SLCO1B1: variants seen among roughly 807,000 people sequenced by gnomAD.
SLCO1B1 encodes solute carrier organic anion transporter family member 1B1.
In SLCO1B1, 81 loss-of-function variants were observed where a neutral mutation model predicts 70.1. The observed-to-expected ratio is 1.16, with a 90% CI of 0.97 to 1.39. SLCO1B1 has a LOEUF of 1.39. Ranked by LOEUF, SLCO1B1 falls within the 40% of genes most tolerant of loss-of-function variation. SLCO1B1 has a pLI of 0.00. For missense variants in SLCO1B1, 895 were observed against 799.6 expected, an observed-to-expected ratio of 1.12 and a Z score of -1.44; for synonymous variants, 283 against 271.5, an observed-to-expected ratio of 1.04 and a Z score of -0.42.
At chr12:21,236,273 T>TTAGA (rs1941594936) in intron 14 of SLCO1B1, among the ~76,000 whole-genome samples, 2 of 152,108 alleles carry the variant, frequency 1.3e-5, no homozygotes, top group Non-Finnish European at 2.9e-5. Flanking sequence ...ACATTGAGGG[T>TTAGA]TAGATCTCCA....
chr12:21,159,386 T>A (rs11045802), intron 2 of SLCO1B1, among the ~76,000 whole-genome samples: 2 of 152,114 alleles, frequency 1.3e-5, no homozygotes, highest in Non-Finnish European at 1.5e-5. Context: ...AATACAGGTC[T>A]CATTTGAATT....
chr12:21,140,281 T>G (rs1041991212), intron 1 of SLCO1B1, among the ~76,000 whole-genome samples: 1 of 152,048 alleles, frequency 6.6e-6, no homozygotes, highest in Non-Finnish European at 1.5e-5. Context: ...AAATCATGTA[T>G]CTATGCTGTG....
chr12:21,211,140 G>C (rs144844767), intron 11 of SLCO1B1, among the ~76,000 whole-genome samples: 1 of 152,326 alleles, frequency 6.6e-6, no homozygotes, highest in East Asian at 1.9e-4. Flanking sequence ...TTTTGTGCCA[G>C]TTTTCAAACG....
At chr12:21,229,792 C>A (rs1243710004) in intron 14 of SLCO1B1, among the ~76,000 whole-genome samples, 1 of 152,172 alleles carries the variant, frequency 6.6e-6, no homozygotes, top group African/African-American at 2.4e-5. Context: ...TCTACTTAGA[C>A]AATTATGTCA....
intron 7 of SLCO1B1, among the ~76,000 whole-genome samples, chr12:21,182,398 C>T (rs995951852): frequency 2.6e-5 from 4 of 152,154 alleles, no homozygotes; most frequent in East Asian, 1.9e-4. Flanking sequence ...TGCAGCAGAA[C>T]GCAGCCATAG....
intron 14 of SLCO1B1, among the ~76,000 whole-genome samples, chr12:21,227,528 CACAG>C (rs1455195200): frequency 6.6e-6 from 1 of 152,068 alleles, no homozygotes; most frequent in African/African-American, 2.4e-5. Flanking sequence ...AATTGTACCC[CACAG>C]ACATTCTCAC....
intron 2 of SLCO1B1, among the ~76,000 whole-genome samples, chr12:21,147,527 GC>G (rs1457051695): frequency 6.6e-6 from 1 of 152,144 alleles, no homozygotes; most frequent in Non-Finnish European, 1.5e-5. Context: ...GTGGGAACAT[GC>G]AGTGTTTGGA....
Position 21,178,657 on chromosome 12 carries a change from T to TAG in SLCO1B1, c.564_565dup (p.Val189GlufsTer22). 6.2e-7 allele frequency: 1 copy of TAG among 1,604,878 alleles called. No individual in the cohort carries two copies. The highest frequency in any genetic ancestry group is 8.5e-7 in the Non-Finnish European group (1 of 1,171,618). The stretch of plus-strand genomic sequence containing the variant: ...CTTCGTGGAATAGGGGAGACTCCCA[T>TAG]AGTACCATTGGGGCTTTCTTACATT... On this transcript the variant is annotated frameshift_variant, in exon 6 of 15. Coordinates refer to ENST00000256958, the MANE Select transcript of SLCO1B1 (RefSeq NM_006446.5). LOFTEE classifies it high-confidence loss of function.
At chr12:21,195,752 T>A (rs1941084542) in intron 7 of SLCO1B1, among the ~76,000 whole-genome samples, 1 of 152,212 alleles carries the variant, frequency 6.6e-6, no homozygotes, top group Non-Finnish European at 1.5e-5. Flanking sequence ...TGGGAATGCT[T>A]ACATACTAGT....
At chr12:21,198,382 A>C (rs902940158) in intron 8 of SLCO1B1, among the ~76,000 whole-genome samples, 1 of 152,136 alleles carries the variant, frequency 6.6e-6, no homozygotes. Flanking sequence ...TAACATTCAC[A>C]CTAAAAGTAC....
intron 7 of SLCO1B1, among the ~76,000 whole-genome samples, chr12:21,192,085 G>C (rs1941035406): frequency 6.6e-6 from 1 of 151,810 alleles, no homozygotes; most frequent in Non-Finnish European, 1.5e-5. Context: ...TCCTTTTGGT[G>C]TCTTTGTCTG....
At chr12:21,209,610 T>A (rs1941255622) in intron 11 of SLCO1B1, among the ~76,000 whole-genome samples, 1 of 152,118 alleles carries the variant, frequency 6.6e-6, no homozygotes, top group Non-Finnish European at 1.5e-5. Flanking sequence ...TATTTCCAGT[T>A]CTAGATCTCT....
chr12:21,162,898 A>T (rs1940638475), intron 2 of SLCO1B1, among the ~76,000 whole-genome samples: 1 of 152,188 alleles, frequency 6.6e-6, no homozygotes, highest in Admixed American at 6.5e-5. Context: ...TTTCTGTATT[A>T]TTTGGAAAGA....
In SLCO1B1 at chr12:21,222,353, T is replaced by A; in HGVS notation, c.1736T>A (p.Ile579Lys). ...SLALGFHSMV[I>K]RALGGILAPI... ...GCACTGGGTTTCCACTCAATGGTTA[T>A]ACGAGCACTAGGTATGATGAAAAAA... The change falls in exon 13 of 15, where the codon ATA (isoleucine) becomes AAA (lysine). Residue 579 changes from isoleucine to lysine, a missense_variant. Physicochemically the swap from Ile to Lys is moderately radical, Grantham distance 102 (BLOSUM62 -3). Transcript: ENST00000256958. 1 of 655,026 alleles carries A rather than the reference T, an allele frequency of 1.5e-6. No homozygotes were observed. Among genetic ancestry groups the A allele is most frequent in the African/African-American group, 2.6e-5 (1 of 38,908 alleles). The allele number at this position is 655,026 out of a possible 1,614,324, so 40.6% of individuals were successfully genotyped here.
intron 14 of SLCO1B1, among the ~76,000 whole-genome samples, chr12:21,234,323 T>G (rs1225684601): frequency 6.6e-6 from 1 of 152,144 alleles, no homozygotes; most frequent in Non-Finnish European, 1.5e-5. Context: ...CAAGTATTGA[T>G]CTTAGGTTTT....
chr12:21,220,815 T>TA (rs35163063), intron 12 of SLCO1B1, among the ~76,000 whole-genome samples: 20,882 of 121,324 alleles, frequency 0.17, 1,770 homozygotes, highest in Non-Finnish European at 0.21. Flanking sequence ...AAGACTGGTC[T>TA]AAAAAAAAAA....
At chr12:21,152,533 C>CTTTTTT (rs71043250) in intron 2 of SLCO1B1, among the ~76,000 whole-genome samples, 12 of 34,348 alleles carry the variant, frequency 3.5e-4, no homozygotes, top group African/African-American at 7.3e-4. Context: ...AGAGGAGAGG[C>CTTTTTT]TTTTTTTTTT....
intron 4 of SLCO1B1, among the ~76,000 whole-genome samples, chr12:21,176,069 G>T (rs892564171): frequency 6.6e-6 from 1 of 151,962 alleles, no homozygotes; most frequent in African/African-American, 2.4e-5. Context: ...CAACCTCCAA[G>T]CAAAGTTGAT....
At chr12:21,235,084 T>G (rs1941583397) in intron 14 of SLCO1B1, among the ~76,000 whole-genome samples, 2 of 150,642 alleles carry the variant, frequency 1.3e-5, no homozygotes, top group Non-Finnish European at 3.0e-5. Context: ...AAGTCGAATT[T>G]TTTTTTTTTT....
Sources: gnomAD v4.1 joint callset for allele counts (sites outside exome capture counted in the v4.1 genomes callset) on GRCh38, gnomAD v4.1.1 for gene constraint, MANE v1.5 for transcripts, NCBI Gene and HGNC (gene_info 2026-07-23, HGNC 2026-07-21) for gene names.